Variants in KCNJ6 observed in about 807,000 individuals in gnomAD.
KCNJ6 encodes the protein G protein-activated inward rectifier potassium channel 2.
KCNJ6 carries 9 observed loss-of-function variants against 34.2 expected under a neutral mutation model. That is an observed-to-expected ratio of 0.26 (90% CI 0.16 to 0.46). The LOEUF is 0.46. Ranked by LOEUF, KCNJ6 falls within the 20% of genes least tolerant of loss-of-function variation. The pLI, the probability that KCNJ6 is intolerant of heterozygous loss-of-function variation, is 1.00. For synonymous variants in KCNJ6, 196 were observed against 207.1 expected, an observed-to-expected ratio of 0.95 and a Z score of 0.46; for missense variants, 236 against 531.3, an observed-to-expected ratio of 0.44 and a Z score of 5.46.
At position 37,614,774 on chromosome 21, in the gene KCNJ6, GTGTA is replaced by G. The variant is rs1464493411; in HGVS notation, c.*10381_*10384del. On this transcript the variant is annotated 3_prime_UTR_variant, in exon 4 of 4. Coordinates refer to ENST00000609713, the MANE Select transcript of KCNJ6 (RefSeq NM_002240.5). ...TATGTGTGTGTATGCATGTGTCTGT[GTGTA>G]TGTGTGTGTGTATGCATGTGTCTGT... 1.3e-5 allele frequency: 2 copies of G among 150,428 alleles called. No individual in the cohort carries two copies. Among genetic ancestry groups the G allele is most frequent in the Non-Finnish European group, 2.9e-5 (2 of 67,902 alleles). 9.3% of individuals were successfully genotyped at this position (150,428 alleles called of 1,614,324 possible). A position where few individuals can be genotyped will look rare whatever the true frequency, so the allele number is the denominator to read the frequency against.
At chr21:37,647,049 C>CG (rs1207821336) in intron 3 of KCNJ6, among the ~76,000 whole-genome samples, 1 of 152,038 alleles carries the variant, frequency 6.6e-6, no homozygotes, top group Non-Finnish European at 1.5e-5. Flanking sequence ...ATCAGAGCGA[C>CG]GGGGAGGGAT....
chr21:37,758,874 T>C (rs902844000), intron 2 of KCNJ6, among the ~76,000 whole-genome samples: 1 of 152,146 alleles, frequency 6.6e-6, no homozygotes, highest in Admixed American at 6.5e-5. Flanking sequence ...CCAGTGATCC[T>C]CCTGCCTTGG....
At chr21:37,808,034 C>G (rs1276091426) in intron 2 of KCNJ6, among the ~76,000 whole-genome samples, 1 of 152,192 alleles carries the variant, frequency 6.6e-6, no homozygotes, top group African/African-American at 2.4e-5. Flanking sequence ...TTGTGACCCT[C>G]TCTTCTAGAA....
chr21:37,717,645 C>CA (rs1293411617), intron 2 of KCNJ6, among the ~76,000 whole-genome samples: 1 of 152,222 alleles, frequency 6.6e-6, no homozygotes, highest in Non-Finnish European at 1.5e-5. Flanking sequence ...TGTCTGGGCT[C>CA]AAACTGTGCC....
In KCNJ6 at chr21:37,618,645, A is replaced by G. The variant is rs952292801; in HGVS notation, c.*6514T>C. ...TCTCTGAAATCAAGATCTGTTTACTATGTGGCCACAATTCTCCGGCCAACC... is the reference window on the plus strand; with the variant it reads ...TCTCTGAAATCAAGATCTGTTTACTGTGTGGCCACAATTCTCCGGCCAACC... On this transcript the variant is annotated 3_prime_UTR_variant, in exon 4 of 4. Transcript: ENST00000609713. 2 of 152,294 alleles carry G rather than the reference A, an allele frequency of 1.3e-5. No homozygotes were observed. Among genetic ancestry groups the G allele is most frequent in the Middle Eastern group, 3.4e-3 (1 of 294 alleles). The allele number at this position is 152,294 out of a possible 1,614,324, so 9.4% of individuals were successfully genotyped here. A position where few individuals can be genotyped will look rare whatever the true frequency, so the allele number is the denominator to read the frequency against.
intron 3 of KCNJ6, among the ~76,000 whole-genome samples, chr21:37,698,914 G>A (rs796765356): frequency 1.3e-5 from 2 of 152,130 alleles, no homozygotes; most frequent in African/African-American, 4.8e-5. Context: ...GGCCAGGCTG[G>A]TCTTGAACTC....
intron 2 of KCNJ6, among the ~76,000 whole-genome samples, chr21:37,830,344 CAGA>C (rs1361740780): frequency 6.6e-6 from 1 of 152,122 alleles, no homozygotes; most frequent in African/African-American, 2.4e-5. Context: ...GCCATTACTG[CAGA>C]AGAATAAATG....
chr21:37,757,881 G>A (rs1377760921), intron 2 of KCNJ6, among the ~76,000 whole-genome samples: 2 of 152,260 alleles, frequency 1.3e-5, no homozygotes, highest in Non-Finnish European at 2.9e-5. Flanking sequence ...GCTTTCCTTA[G>A]CAAATGATTC....
intron 2 of KCNJ6, among the ~76,000 whole-genome samples, chr21:37,777,881 G>A (rs1277960862): frequency 1.3e-5 from 2 of 152,154 alleles, no homozygotes; most frequent in African/African-American, 4.8e-5. Flanking sequence ...AGGATAGCAG[G>A]GAGCTGGGAA....
intron 2 of KCNJ6, among the ~76,000 whole-genome samples, chr21:37,814,806 G>A (rs2055338393): frequency 6.6e-6 from 1 of 150,892 alleles, no homozygotes; most frequent in African/African-American, 2.5e-5. Flanking sequence ...GCTGAGGCAG[G>A]AGAATGCTGT....
At chr21:37,653,754 C>T (rs2054444470) in intron 3 of KCNJ6, among the ~76,000 whole-genome samples, 1 of 152,082 alleles carries the variant, frequency 6.6e-6, no homozygotes, top group Admixed American at 6.6e-5. Context: ...ATTATCTTGC[C>T]TTTCTTATTC....
chr21:37,715,120 C>G lies in KCNJ6; in HGVS notation c.37G>C (p.Glu13Gln), dbSNP rs2054783440. ...KLTESMTNVL[E>Q]GDSMDQDVES... is the part of the protein sequence containing the mutation. ...ACGTCCTGATCCATGGAGTCGCCCT[C>G]CAGGACGTTAGCTGGTGGTTTGGAG... Residue 13 changes from glutamate (E) to glutamine (Q), a missense_variant, in exon 3 of 4, where the codon GAG becomes CAG. This residue lies in a region of KCNJ6 where 64 missense variants were observed against 68.9 expected (regional missense o/e 0.93). Coordinates refer to ENST00000609713, the MANE Select transcript of KCNJ6 (RefSeq NM_002240.5). 1.9e-6 allele frequency: 3 copies of G among 1,610,520 alleles called. No individual in the cohort carries two copies. Among genetic ancestry groups the G allele is most frequent in the African/African-American group, 1.3e-5 (1 of 74,726 alleles).
rs2054290809 is a variant in KCNJ6 at position 37,621,830 on chromosome 21, A to G, written c.*3329T>C. 6.6e-6 allele frequency: 1 copy of G among 152,276 alleles called. No homozygotes were observed. The highest frequency in any genetic ancestry group is 1.5e-5 in the Non-Finnish European group (1 of 68,056). The allele number at this position is 152,276 out of a possible 1,614,324, so 9.4% of individuals were successfully genotyped here. On this transcript the variant is annotated 3_prime_UTR_variant, in exon 4 of 4. Coordinates refer to ENST00000609713, the MANE Select transcript of KCNJ6 (RefSeq NM_002240.5). The stretch of plus-strand genomic sequence containing the variant: ...GCTGGAACAACCAGGCTGGAAGGCC[A>G]TGTTTGAAGGAACAGAAAAGTTGAC...
intron 2 of KCNJ6, among the ~76,000 whole-genome samples, chr21:37,828,144 A>G (rs1457502834): frequency 2.6e-5 from 4 of 152,188 alleles, no homozygotes; most frequent in Non-Finnish European, 5.9e-5. Flanking sequence ...AGAAATTCTG[A>G]GTCAATATTT....
chr21:37,842,840 A>G (rs547727393), intron 1 of KCNJ6, among the ~76,000 whole-genome samples: 1 of 152,304 alleles, frequency 6.6e-6, no homozygotes, highest in African/African-American at 2.4e-5. Flanking sequence ...GACTCAGTGA[A>G]GTTGGTCCCA....
At chr21:37,756,919 G>GCA (rs1421908799) in intron 2 of KCNJ6, among the ~76,000 whole-genome samples, 3 of 88,168 alleles carry the variant, frequency 3.4e-5, no homozygotes, top group Non-Finnish European at 6.9e-5. Flanking sequence ...TTCCAGCCTG[G>GCA]AGTGAGCACT....
chr21:37,691,828 C>T (rs955395354), intron 3 of KCNJ6, among the ~76,000 whole-genome samples: 14 of 152,094 alleles, frequency 9.2e-5, no homozygotes, highest in Admixed American at 3.3e-4. Context: ...AGGCAGGCCC[C>T]GCTAAGTTAA....
intron 2 of KCNJ6, among the ~76,000 whole-genome samples, chr21:37,760,949 A>G (rs2055057984): frequency 6.6e-6 from 1 of 152,186 alleles, no homozygotes; most frequent in Non-Finnish European, 1.5e-5. Context: ...TCAGAGAGGC[A>G]CATGTGGATG....
intron 3 of KCNJ6, among the ~76,000 whole-genome samples, chr21:37,679,476 C>CGT (rs968346640): frequency 2.0e-5 from 3 of 152,164 alleles, no homozygotes; most frequent in Non-Finnish European, 2.9e-5. Flanking sequence ...TGAGTTAATA[C>CGT]GTGTGAAACA....
Sources: gnomAD v4.1 joint callset for allele counts (sites outside exome capture counted in the v4.1 genomes callset) on GRCh38, gnomAD v4.1.1 for gene constraint, gnomAD v4.1.1 regional missense constraint, MANE v1.5 for transcripts, NCBI Gene and HGNC (gene_info 2026-07-23, HGNC 2026-07-21) for gene names.